EFCC1: variants seen among roughly 807,000 people sequenced by gnomAD.
EFCC1 encodes EF-hand and coiled-coil domain-containing protein 1.
EFCC1 carries 50 observed loss-of-function variants against 52.1 expected under a neutral mutation model. That is an observed-to-expected ratio of 0.96 (90% CI 0.76 to 1.21). EFCC1 has a LOEUF of 1.21. Among genes scored for constraint, EFCC1 ranks in the 50% most tolerant of loss-of-function variants. EFCC1 has a pLI of 0.00. For synonymous variants in EFCC1, 399 were observed against 396.5 expected, an observed-to-expected ratio of 1.01 and a Z score of -0.08; for missense variants, 837 against 867.3, an observed-to-expected ratio of 0.97 and a Z score of 0.44.
At chr3:129,003,161 T>C in intron 1 of EFCC1, 1 of 915,934 alleles carries the variant, frequency 1.1e-6, no homozygotes, top group Non-Finnish European at 1.3e-6. Context: ...CAAGGTGTGG[T>C]TTTCAGTGTC....
At chr3:129,003,336 G>A (rs1411710023) in intron 1 of EFCC1, 2 of 955,964 alleles carry the variant, frequency 2.1e-6, no homozygotes, top group African/African-American at 1.8e-5. Flanking sequence ...TAGGCTCTGG[G>A]AACACACCAG....
rs1196712691 is a variant in EFCC1, at chr3:129,032,912, C to T, written c.1232C>T (p.Thr411Met). The T allele has an allele frequency of 1.9e-5, 30 of 1,550,876 alleles. No homozygotes were observed. Among genetic ancestry groups the T allele is most frequent in the Middle Eastern group, 1.7e-4 (1 of 5,798 alleles). Residue 411 changes from threonine to methionine, a missense_variant, in exon 4 of 8, where the codon ACG (threonine) becomes ATG (methionine). Physicochemically the swap from Thr to Met is moderately conservative, Grantham distance 81. Coordinates refer to ENST00000683648, the MANE Select transcript of EFCC1 (RefSeq NM_001377500.1). ...GAGAGGTGGCAGGAGGAGAAGAAGA[C>T]GCCGGCAGCCGAGGCCAAGACACTG... ...EEERWQEEKK[T>M]PAAEAKTLLA...
chr3:129,027,412 G>A (rs1946154962), intron 2 of EFCC1, among the ~76,000 whole-genome samples: 1 of 152,136 alleles, frequency 6.6e-6, no homozygotes, highest in Non-Finnish European at 1.5e-5. Context: ...TCCACCTGAC[G>A]GAGCCCGGGC....
chr3:129,001,842 G>A lies in EFCC1; in HGVS notation c.214G>A (p.Gly72Ser). The A allele has an allele frequency of 1.3e-6, 2 of 1,545,732 alleles. No homozygotes were observed. Among genetic ancestry groups the A allele is most frequent in the Middle Eastern group, 1.7e-4 (1 of 5,964 alleles). Residue 72 changes from glycine (G) to serine (S), a missense_variant, in exon 1 of 8, where the codon GGC (glycine) becomes AGC (serine). Transcript: ENST00000683648. ...VFHHLDCRGA[G>S]RLPRADFRAL... is the part of the protein sequence containing the mutation. ...CCACCACCTGGACTGCCGCGGCGCC[G>A]GCCGTCTGCCCCGCGCCGACTTCCG...
At chr3:129,008,277 C>A (rs1418059833) in intron 2 of EFCC1, among the ~76,000 whole-genome samples, 1 of 152,228 alleles carries the variant, frequency 6.6e-6, no homozygotes, top group Non-Finnish European at 1.5e-5. Flanking sequence ...TGGCCTCATG[C>A]AGGGAGTCTC....
intron 2 of EFCC1, among the ~76,000 whole-genome samples, chr3:129,023,310 CTTTT>C (rs3036084): frequency 1.4e-5 from 2 of 138,152 alleles, no homozygotes; most frequent in Non-Finnish European, 1.6e-5. Flanking sequence ...CCTCTTGCTT[CTTTT>C]TTTTTTTTTT....
Position 129,030,727 on chromosome 3 carries a change from C to T in EFCC1, c.1005C>T (p.Thr335=). The T allele has an allele frequency of 6.4e-7, 1 of 1,551,588 alleles. No homozygotes were observed. Among genetic ancestry groups the T allele is most frequent in the Non-Finnish European group, 8.7e-7 (1 of 1,146,930 alleles). ...GGTCAGAGGATTCCCAGCTCCCAACCCCGCAGCTAGCCAACCCAGAGCCAG... is the reference window on the plus strand; with the variant it reads ...GGTCAGAGGATTCCCAGCTCCCAACTCCGCAGCTAGCCAACCCAGAGCCAG... ...RYRSEDSQLP[T]PQLANPEPGD... is the part of the protein sequence containing the mutation. The change falls in exon 3 of 8, where the codon ACC becomes ACT. Residue 335 remains threonine (T), a synonymous_variant. Coordinates refer to ENST00000683648, the MANE Select transcript of EFCC1 (RefSeq NM_001377500.1).
chr3:129,029,577 G>GT (rs910354670), intron 2 of EFCC1, among the ~76,000 whole-genome samples: 1 of 107,504 alleles, frequency 9.3e-6, no homozygotes, highest in African/African-American at 4.9e-5. Flanking sequence ...GTTGTTTTTT[G>GT]TTTTTTGGTT....
intron 5 of EFCC1, among the ~76,000 whole-genome samples, chr3:129,036,527 T>C (rs1412206549): frequency 6.6e-6 from 1 of 152,206 alleles, no homozygotes; most frequent in Non-Finnish European, 1.5e-5. Flanking sequence ...GCCCCTCTCC[T>C]GGGGCTCTCC....
At chr3:129,005,554 T>TA (rs1945036126) in intron 2 of EFCC1, among the ~76,000 whole-genome samples, 1 of 152,248 alleles carries the variant, frequency 6.6e-6, no homozygotes, top group South Asian at 2.1e-4. Flanking sequence ...AATAAAAAGT[T>TA]ACCCTGGCTA....
In EFCC1 at chr3:129,003,896, G is replaced by C; in HGVS notation, c.799G>C (p.Ala267Pro). 2.2e-6 allele frequency: 3 copies of C among 1,373,242 alleles called. No homozygotes were observed. The highest frequency in any genetic ancestry group is 2.8e-6 in the Non-Finnish European group (3 of 1,066,430). 85.1% of individuals were successfully genotyped at this position (1,373,242 alleles called of 1,614,324 possible). ...TCAGGCGCAGGGCGCCCTGGCTGCGGCGGAGGCCCGCGCTGGGCGGCTGCG... is the reference window on the plus strand; with the variant it reads ...TCAGGCGCAGGGCGCCCTGGCTGCGCCGGAGGCCCGCGCTGGGCGGCTGCG... Reference protein sequence around the residue: ...LRQAQGALAAAEARAGRLRRG... With the variant: ...LRQAQGALAAPEARAGRLRRG... Residue 267 changes from alanine to proline, a missense_variant, in exon 2 of 8, where the codon GCG becomes CCG. Coordinates refer to ENST00000683648, the MANE Select transcript of EFCC1 (RefSeq NM_001377500.1).
chr3:129,018,748 C>G (rs1280401508), intron 2 of EFCC1, among the ~76,000 whole-genome samples: 1 of 152,232 alleles, frequency 6.6e-6, no homozygotes, highest in African/African-American at 2.4e-5. Context: ...CAGTCCCTCC[C>G]CGGTGATTTC....
In EFCC1 at chr3:129,039,700, G is replaced by C. The variant is rs1397144375; in HGVS notation, c.1664-12G>C. ...ACTGATCCTGCCCTCCCTGCCTGCT[G>C]TTTCCCTCCAGAGGGAAGGCCCAGC... On this transcript the variant is annotated splice_polypyrimidine_tract_variant and intron_variant, in intron 7 of 7. Transcript: ENST00000683648. 2 of 1,583,192 alleles carry C rather than the reference G, an allele frequency of 1.3e-6. No individual in the cohort carries two copies. Among genetic ancestry groups the C allele is most frequent in the Non-Finnish European group, 1.7e-6 (2 of 1,159,726 alleles).
At chr3:129,009,700 GA>G (rs1161194314) in intron 2 of EFCC1, among the ~76,000 whole-genome samples, 1 of 152,162 alleles carries the variant, frequency 6.6e-6, no homozygotes, top group Non-Finnish European at 1.5e-5. Context: ...CCCCTCTCTG[GA>G]GCTCGCAGCC....
At chr3:129,003,736 C>T in intron 1 of EFCC1, 58 bp from the exon 2 acceptor site, 1 of 1,294,506 alleles carries the variant, frequency 7.7e-7, no homozygotes, top group South Asian at 1.8e-5. Flanking sequence ...GGCGGGCGTT[C>T]GTCTGGTGCA....
Position 129,002,100 on chromosome 3 carries a change from G to T in EFCC1, c.472G>T (p.Gly158Trp), listed in dbSNP as rs1248207380. Residue 158 changes from glycine (G) to tryptophan (W), a missense_variant, in exon 1 of 8, where the codon GGG becomes TGG. Coordinates refer to ENST00000683648, the MANE Select transcript of EFCC1 (RefSeq NM_001377500.1). Reference protein sequence around the residue: ...RLCGYFGTRAGPRLPRGALSE... With the variant: ...RLCGYFGTRAWPRLPRGALSE... The stretch of plus-strand genomic sequence containing the variant: ...CTGTGGCTACTTCGGCACCCGTGCG[G>T]GGCCCCGGCTGCCCCGCGGCGCTCT... 1 of 1,503,512 alleles carries T rather than the reference G, an allele frequency of 6.7e-7. No homozygotes were observed. The highest frequency in any genetic ancestry group is 8.9e-7 in the Non-Finnish European group (1 of 1,129,154). The allele number at this position is 1,503,512 out of a possible 1,614,324, so 93.1% of individuals were successfully genotyped here. A position where few individuals can be genotyped will look rare whatever the true frequency, so the allele number is the denominator to read the frequency against.
intron 7 of EFCC1, 149 bp downstream of exon 7, chr3:129,039,049 T>G: frequency 2.7e-6 from 2 of 741,626 alleles, no homozygotes; most frequent in Non-Finnish European, 4.4e-6. Context: ...TGAAGGGGCT[T>G]TTAGCAAGAG....
intron 5 of EFCC1, among the ~76,000 whole-genome samples, chr3:129,035,379 C>G (rs531511136): frequency 3.3e-5 from 5 of 152,342 alleles, no homozygotes; most frequent in African/African-American, 1.2e-4. Flanking sequence ...GCATCCACGC[C>G]AGTGTGCCCA....
At chr3:129,030,996 G>A (rs1260059189) in intron 3 of EFCC1, 136 bp downstream of exon 3, 1 of 1,214,440 alleles carries the variant, frequency 8.2e-7, no homozygotes, top group East Asian at 2.6e-5. Flanking sequence ...CAGGTGCTCA[G>A]GCTGGGCTGG....
Sources: gnomAD v4.1 joint callset for allele counts (sites outside exome capture counted in the v4.1 genomes callset) on GRCh38, gnomAD v4.1.1 for gene constraint, MANE v1.5 for transcripts, NCBI Gene and HGNC (gene_info 2026-07-23, HGNC 2026-07-21) for gene names.